The following XKR4 variants were observed in gnomAD, a reference collection of about 807,000 sequenced individuals.
The protein encoded by XKR4 is XK-related protein 4.
A neutral mutation model predicts 53.9 loss-of-function variants in XKR4; 12 were observed. The observed-to-expected ratio is 0.22, with a 90% confidence interval of 0.14 to 0.36. The LOEUF (loss-of-function observed/expected upper bound fraction) is 0.36. XKR4 is among the 10% of genes least tolerant of loss of function. The pLI is 1.00. For missense variants in XKR4, 799 were observed against 859.5 expected, an observed-to-expected ratio of 0.93 and a Z score of 0.88; for synonymous variants, 354 against 362.4, an observed-to-expected ratio of 0.98 and a Z score of 0.26.
intron 1 of XKR4, among the ~76,000 whole-genome samples, chr8:55,118,320 ATCC>A (rs1192271076): frequency 6.6e-6 from 1 of 152,218 alleles, no homozygotes; most frequent in African/African-American, 2.4e-5. Flanking sequence ...TTGTATTTAT[ATCC>A]TCATTTTGTA....
At chr8:55,463,191 C>T (rs1393155462) in intron 2 of XKR4, among the ~76,000 whole-genome samples, 2 of 152,090 alleles carry the variant, frequency 1.3e-5, no homozygotes, top group Non-Finnish European at 2.9e-5. Context: ...AGCACTACAC[C>T]ACACCTATTC....
At chr8:55,140,051 T>G (rs1340899123) in intron 1 of XKR4, 1 of 318,968 alleles carries the variant, frequency 3.1e-6, no homozygotes, top group African/African-American at 2.2e-5. Context: ...TGAGAAAGAT[T>G]CTCATCCTAT....
rs569570465 is a variant in XKR4 at position 55,206,187 on chromosome 8, C to T, written c.806+102893C>T. On this transcript the variant is annotated intron_variant, in intron 1 of 2. Coordinates refer to ENST00000327381, the MANE Select transcript of XKR4 (RefSeq NM_052898.2). The stretch of plus-strand genomic sequence containing the variant: ...GAGCAAAAGAACAAACCTTCCACAC[C>T]ATGGAAGGGGGCCGGAGCGGGTTGC... 1.8e-3 allele frequency among the ~76,000 whole-genome samples: 278 copies of T among 152,276 alleles called. 6 individuals carry two copies. The highest frequency in any genetic ancestry group is 8.8e-4 in the Non-Finnish European group (60 of 68,016).
At chr8:55,427,907 G>T (rs2129393172) in intron 2 of XKR4, among the ~76,000 whole-genome samples, 1 of 152,262 alleles carries the variant, frequency 6.6e-6, no homozygotes, top group South Asian at 2.1e-4. Flanking sequence ...ATCTGCAGAT[G>T]AGCTCATTGA....
chr8:55,527,788 T>C lies in XKR4; in HGVS notation c.*3561T>C, dbSNP rs1228179299. The C allele has an allele frequency of 6.6e-6, 1 of 152,182 alleles. No individual in the cohort carries two copies. The allele number at this position is 152,182 out of a possible 1,614,324, so 9.4% of individuals were successfully genotyped here. On this transcript the variant is annotated 3_prime_UTR_variant, in exon 3 of 3. Transcript: ENST00000327381. The stretch of plus-strand genomic sequence containing the variant: ...TAATTCAAGTATTAGCAAAAGATAA[T>C]CTGAGGATAAAAGTAAAATGAAGTA...
intron 1 of XKR4, among the ~76,000 whole-genome samples, chr8:55,103,906 A>T (rs1816101102): frequency 7.3e-6 from 1 of 137,720 alleles, no homozygotes; most frequent in Admixed American, 7.6e-5. Context: ...CCCGAGCATG[A>T]TTCAGTAAGC....
chr8:55,292,539 T>C (rs906165631), intron 1 of XKR4, among the ~76,000 whole-genome samples: 2 of 151,630 alleles, frequency 1.3e-5, no homozygotes, highest in African/African-American at 4.8e-5. Flanking sequence ...TGTTCTCTCT[T>C]TTTTTACCCA....
intron 1 of XKR4, among the ~76,000 whole-genome samples, chr8:55,327,072 G>T (rs143851334): frequency 3.3e-5 from 5 of 152,080 alleles, no homozygotes; most frequent in African/African-American, 1.2e-4. Flanking sequence ...GTTGCAAGGC[G>T]TTTATGAAAC....
chr8:55,370,655 T>A (rs1162028219), intron 2 of XKR4, among the ~76,000 whole-genome samples: 1 of 152,196 alleles, frequency 6.6e-6, no homozygotes, highest in Non-Finnish European at 1.5e-5. Context: ...GTGATTTTTT[T>A]CTTTGTCTTT....
At chr8:55,315,776 G>A (rs763083541) in intron 1 of XKR4, among the ~76,000 whole-genome samples, 2 of 152,190 alleles carry the variant, frequency 1.3e-5, no homozygotes, top group Non-Finnish European at 2.9e-5. Context: ...CTGTGAAAAG[G>A]AGAGAGTGGC....
intron 1 of XKR4, among the ~76,000 whole-genome samples, chr8:55,194,220 C>T (rs937352200): frequency 2.6e-5 from 4 of 152,192 alleles, no homozygotes; most frequent in Admixed American, 6.5e-5. Context: ...GAGAGTGTGG[C>T]GCTGCCAGCA....
At chr8:55,298,374 A>T (rs1446399972) in intron 1 of XKR4, among the ~76,000 whole-genome samples, 1 of 152,218 alleles carries the variant, frequency 6.6e-6, no homozygotes, top group Non-Finnish European at 1.5e-5. Context: ...CTGGATAATT[A>T]TAAAGAAAAG....
intron 1 of XKR4, among the ~76,000 whole-genome samples, chr8:55,347,288 G>C (rs888857559): frequency 6.6e-6 from 1 of 152,196 alleles, no homozygotes; most frequent in Non-Finnish European, 1.5e-5. Context: ...AAAAGGAGCT[G>C]AGAATTTAAA....
intron 2 of XKR4, among the ~76,000 whole-genome samples, chr8:55,427,806 C>A (rs1585567945): frequency 6.6e-6 from 1 of 152,042 alleles, no homozygotes; most frequent in East Asian, 1.9e-4. Flanking sequence ...TTTATTTATC[C>A]AACAAATGTT....
At chr8:55,354,409 A>G (rs1261002068) in intron 1 of XKR4, among the ~76,000 whole-genome samples, 2 of 152,212 alleles carry the variant, frequency 1.3e-5, no homozygotes, top group Non-Finnish European at 2.9e-5. Context: ...CTGGGAATAG[A>G]TTCCAAACTG....
rs1229749078 is a variant in XKR4, at chr8:55,463,521, T to C, written c.1007-59760T>C. Among the ~76,000 whole-genome samples the C allele has an allele frequency of 3.4e-4, 51 of 151,234 alleles. No homozygotes were observed. In the South Asian group the frequency reaches 4.5e-3, roughly 13 times the overall value. On this transcript the variant is annotated intron_variant, in intron 2 of 2. Transcript: ENST00000327381. ...AGCACTAAATGCCCACAAGAGAAAG[T>C]AGGAAAGATCGAAAATTGACACCCT...
At chr8:55,195,695 T>C (rs950075966) in intron 1 of XKR4, among the ~76,000 whole-genome samples, 1 of 152,206 alleles carries the variant, frequency 6.6e-6, no homozygotes, top group Non-Finnish European at 1.5e-5. Context: ...ATATGTCCTT[T>C]ACAATTTTTA....
At chr8:55,366,919 C>T (rs576124300) in intron 2 of XKR4, among the ~76,000 whole-genome samples, 67 of 152,312 alleles carry the variant, frequency 4.4e-4, no homozygotes, top group African/African-American at 1.5e-3. Context: ...CCACCCACTA[C>T]CACATTACTT....
intron 2 of XKR4, among the ~76,000 whole-genome samples, chr8:55,508,263 C>T (rs1331250354): frequency 6.6e-6 from 1 of 152,062 alleles, no homozygotes; most frequent in African/African-American, 2.4e-5. Context: ...ATTTCAGTCC[C>T]CAGGATGCTA....
Sources: gnomAD v4.1 joint callset for allele counts (sites outside exome capture counted in the v4.1 genomes callset) on GRCh38, gnomAD v4.1.1 for gene constraint, MANE v1.5 for transcripts, NCBI Gene and HGNC (gene_info 2026-07-23, HGNC 2026-07-21) for gene names.